KALRN: variants seen among roughly 807,000 people sequenced by gnomAD.
KALRN encodes the protein kalirin.
KALRN carries 70 observed loss-of-function variants against 353.7 expected under a neutral mutation model. The observed-to-expected ratio is 0.20, with a 90% CI of 0.16 to 0.24. The LOEUF (loss-of-function observed/expected upper bound fraction) is 0.24. KALRN is among the 10% of genes least tolerant of loss of function. KALRN has a pLI of 1.00. For missense variants in KALRN, 2,791 were observed against 3,756.7 expected (o/e 0.74, Z 6.72); for synonymous variants, 1,391 against 1,434.8 (o/e 0.97, Z 0.69).
chr3:124,375,012 ATCTT>A (rs1301545366), intron 10 of KALRN, among the ~76,000 whole-genome samples: 1 of 152,098 alleles, frequency 6.6e-6, no homozygotes, highest in East Asian at 1.9e-4. Context: ...ATTTAAGTCT[ATCTT>A]CTTCACTTTT....
At chr3:124,476,011 G>C (rs1007057086) in intron 26 of KALRN, among the ~76,000 whole-genome samples, 1 of 151,808 alleles carries the variant, frequency 6.6e-6, no homozygotes, top group Non-Finnish European at 1.5e-5. Context: ...GAAATTTGTG[G>C]ATTTCCTTTA....
chr3:124,222,817 C>T (rs2078064922), intron 1 of KALRN, among the ~76,000 whole-genome samples: 1 of 152,064 alleles, frequency 6.6e-6, no homozygotes, highest in South Asian at 2.1e-4. Context: ...GTTGCCTATG[C>T]TGGTCTCAAA....
chr3:124,377,069 G>A (rs1055665735), intron 10 of KALRN, among the ~76,000 whole-genome samples: 13 of 152,170 alleles, frequency 8.5e-5, no homozygotes, highest in African/African-American at 3.1e-4. Flanking sequence ...ATGTTTCAGT[G>A]AAAAGTACTG....
chr3:124,714,512 G>A (rs1005141540), intron 58 of KALRN, among the ~76,000 whole-genome samples: 3 of 152,162 alleles, frequency 2.0e-5, no homozygotes, highest in Non-Finnish European at 1.5e-5. Context: ...GTTTGCTGGG[G>A]CCCCGAGTCC....
intron 3 of KALRN, among the ~76,000 whole-genome samples, chr3:124,249,591 C>A (rs1179755355): frequency 6.6e-6 from 1 of 152,178 alleles, no homozygotes. Flanking sequence ...TGCCCCCTAA[C>A]ATAGACCCTG....
chr3:124,266,234 C>CAGGT (rs2073527670), intron 4 of KALRN, among the ~76,000 whole-genome samples: 1 of 152,002 alleles, frequency 6.6e-6, no homozygotes, highest in South Asian at 2.1e-4. Flanking sequence ...TAGTAAAATG[C>CAGGT]AGGTGATAAA....
In KALRN at chr3:124,503,969, T is replaced by C. The variant is rs138925740; in HGVS notation, c.4935+7556T>C. Among the ~76,000 whole-genome samples, 29 of 152,328 alleles carry C rather than the reference T, an allele frequency of 1.9e-4. 1 individual carries two copies. In the East Asian group the frequency reaches 5.6e-3, roughly 29 times the overall value. ...AGAAACCCATCATTAAAATTGCCAATCGTCTGCAAAAGCAAGTAAGTTTCA... is the reference window on the plus strand; with the variant it reads ...AGAAACCCATCATTAAAATTGCCAACCGTCTGCAAAAGCAAGTAAGTTTCA... On this transcript the variant is annotated intron_variant, in intron 33 of 59. Transcript: ENST00000682506.
At chr3:124,428,737 A>G (rs1308399245) in intron 15 of KALRN, among the ~76,000 whole-genome samples, 1 of 152,244 alleles carries the variant, frequency 6.6e-6, no homozygotes, top group African/African-American at 2.4e-5. Context: ...TATAATTTAA[A>G]AAGTAGGTAC....
chr3:124,250,432 G>T (rs2070974959), intron 3 of KALRN, among the ~76,000 whole-genome samples: 1 of 152,160 alleles, frequency 6.6e-6, no homozygotes, highest in South Asian at 2.1e-4. Flanking sequence ...GACAGGTCGG[G>T]TGCAGCACCT....
intron 34 of KALRN, among the ~76,000 whole-genome samples, chr3:124,567,519 T>G (rs1405034308): frequency 6.6e-6 from 1 of 152,192 alleles, no homozygotes; most frequent in Non-Finnish European, 1.5e-5. Flanking sequence ...CTGCCTTTCC[T>G]GCTACTTTAC....
rs77193586 is a variant in KALRN at position 124,116,201 on chromosome 3, G to A, written c.73+82388G>A. Among the ~76,000 whole-genome samples, 9 of 152,146 alleles carry A rather than the reference G, an allele frequency of 5.9e-5. No individual in the cohort carries two copies. The East Asian group carries it at 1.3e-3, about 23-fold the overall frequency. On this transcript the variant is annotated intron_variant, in intron 1 of 59. Coordinates refer to ENST00000682506, the MANE Select transcript of KALRN (RefSeq NM_001388419.1). ...GAGACTACATCTTCTGTTCCAGCTG[G>A]TAGTCTTTTAGTAGCATTTTATTAG...
intron 1 of KALRN, among the ~76,000 whole-genome samples, chr3:124,137,786 C>T (rs1005272041): frequency 3.9e-5 from 6 of 152,180 alleles, no homozygotes; most frequent in African/African-American, 1.4e-4. Flanking sequence ...AGGGAAAAGG[C>T]TAAAAATGGT....
chr3:124,697,623 C>T lies in KALRN; in HGVS notation c.7730C>T (p.Ala2577Val). 6.2e-7 allele frequency: 1 copy of T among 1,612,684 alleles called. No individual in the cohort carries two copies. Reference protein sequence around the residue: ...GVPAAPNRPIAQERSCTSVIL... With the variant: ...GVPAAPNRPIVQERSCTSVIL... The stretch of plus-strand genomic sequence containing the variant: ...CCAGCAGCCCCTAACCGCCCCATTG[C>T]CCAGGAGAGAAGCTGCACCTCCGTG... Residue 2577 changes from alanine to valine, a missense_variant, in exon 55 of 60, where the codon GCC (alanine) becomes GTC (valine). Physicochemically the swap from Ala to Val is moderately conservative, Grantham distance 64 (BLOSUM62 0). Coordinates refer to ENST00000682506, the MANE Select transcript of KALRN (RefSeq NM_001388419.1).
At chr3:124,115,444 C>T (rs1379995860) in intron 1 of KALRN, among the ~76,000 whole-genome samples, 1 of 152,126 alleles carries the variant, frequency 6.6e-6, no homozygotes. Context: ...CTCACGGGAG[C>T]AGTCGTAATT....
At chr3:124,680,204 T>TGG (rs2087631449) in intron 51 of KALRN, among the ~76,000 whole-genome samples, 1 of 152,226 alleles carries the variant, frequency 6.6e-6, no homozygotes, top group South Asian at 2.1e-4. Context: ...TCTCCAGAGA[T>TGG]GGTGAGATGG....
chr3:124,158,000 G>A (rs1389391391), intron 1 of KALRN, among the ~76,000 whole-genome samples: 1 of 152,190 alleles, frequency 6.6e-6, no homozygotes, highest in Non-Finnish European at 1.5e-5. Flanking sequence ...ATCAGAGTCA[G>A]CTCTTCTTCT....
In KALRN at chr3:124,702,085, T is replaced by A. The variant is rs899197914; in HGVS notation, c.8044T>A (p.Ser2682Thr). 4 of 1,613,676 alleles carry A rather than the reference T, an allele frequency of 2.5e-6. No homozygotes were observed. Among genetic ancestry groups the A allele is most frequent in the Non-Finnish European group, 3.4e-6 (4 of 1,179,848 alleles). ...ATISWKENFDSAYTELNEIGR... is the reference protein window; with the variant it reads ...ATISWKENFDTAYTELNEIGR... ...CATTTCTTGGAAGGAAAATTTTGAC[T>A]CAGCTTACACTGAGCTGAATGAAAT... Residue 2682 changes from serine (S) to threonine (T), a missense_variant, in exon 57 of 60, where the codon TCA becomes ACA. Physicochemically the swap from Ser to Thr is moderately conservative, Grantham distance 58. Transcript: ENST00000682506.
chr3:124,390,350 G>C (rs2089165122), intron 11 of KALRN, among the ~76,000 whole-genome samples: 1 of 152,176 alleles, frequency 6.6e-6, no homozygotes, highest in Non-Finnish European at 1.5e-5. Context: ...TTATTAGACA[G>C]CTTAATTAAA....
intron 3 of KALRN, 29 bp from the exon 4 acceptor site, chr3:124,264,469 G>A (rs1351818841): frequency 6.2e-7 from 1 of 1,605,106 alleles, no homozygotes; most frequent in Admixed American, 1.7e-5. Context: ...TACCCAGAGT[G>A]ACCATACCGA....
Sources: allele counts gnomAD v4.1 joint callset (sites outside exome capture counted in the v4.1 genomes callset), GRCh38; gene constraint gnomAD v4.1.1; transcripts MANE v1.5; gene names NCBI Gene and HGNC (gene_info 2026-07-23, HGNC 2026-07-21).